TMA16: variants seen among roughly 807,000 people sequenced by gnomAD.
TMA16 encodes translation machinery-associated protein 16.
In TMA16, 26 loss-of-function variants were observed where a neutral mutation model predicts 27.1. The observed-to-expected ratio is 0.96, with a 90% CI of 0.70 to 1.33. The LOEUF (loss-of-function observed/expected upper bound fraction) is 1.33, where lower values mean the gene tolerates loss of function less well. Among genes scored for constraint, TMA16 ranks in the 40% most tolerant of loss-of-function variants. The probability of loss-of-function intolerance (pLI) is 0.00; values close to 1 mark genes in which losing one functional copy is unlikely to be tolerated. For missense variants in TMA16, 233 were observed against 241.4 expected (o/e 0.97, Z 0.23); for synonymous variants, 71 against 81.9 (o/e 0.87, Z 0.72).
chr4:163,513,107 C>T (rs1737821598), intron 3 of TMA16, among the ~76,000 whole-genome samples: 1 of 152,168 alleles, frequency 6.6e-6, no homozygotes, highest in Non-Finnish European at 1.5e-5. Flanking sequence ...ACATAACATT[C>T]ATATCCATCT....
chr4:163,520,078 T>A lies in TMA16; in HGVS notation c.*564T>A, dbSNP rs989927800. The A allele has an allele frequency of 7.1e-6, 4 of 566,346 alleles. No homozygotes were observed. The highest frequency in any genetic ancestry group is 9.5e-6 in the Non-Finnish European group (3 of 315,834). 35.1% of individuals were successfully genotyped at this position (566,346 alleles called of 1,614,324 possible). On this transcript the variant is annotated 3_prime_UTR_variant, in exon 7 of 7. Transcript: ENST00000358572. ...GAGCTAAATGGTAAAAGAAAAAAAA[T>A]CAGTGATGATTGTTATGTTGATCTC...
At chr4:163,495,705 C>A (rs1003666327) in intron 1 of TMA16, among the ~76,000 whole-genome samples, 1 of 152,128 alleles carries the variant, frequency 6.6e-6, no homozygotes, top group Non-Finnish European at 1.5e-5. Flanking sequence ...ATTGTGTCCA[C>A]AATGTGGCCT....
intron 2 of TMA16, among the ~76,000 whole-genome samples, chr4:163,509,228 C>T (rs12640678): frequency 0.41 from 62,471 of 151,946 alleles, 13,963 homozygotes; most frequent in Admixed American, 0.55. Context: ...TCACAAAAGG[C>T]ACGTTGAAAC....
In TMA16 at chr4:163,520,120, T is replaced by C; in HGVS notation, c.*606T>C. 2.1e-6 allele frequency: 1 copy of C among 478,544 alleles called. No individual in the cohort carries two copies. The highest frequency in any genetic ancestry group is 3.7e-6 in the Non-Finnish European group (1 of 270,352). The allele number at this position is 478,544 out of a possible 1,614,324, so 29.6% of individuals were successfully genotyped here. On this transcript the variant is annotated 3_prime_UTR_variant, in exon 7 of 7. Transcript: ENST00000358572. ...GTTGATCTCCCACAATTAATTTATCTTTTGACAAAGGGGATAAAGAGTTTC... is the reference window on the plus strand; with the variant it reads ...GTTGATCTCCCACAATTAATTTATCCTTTGACAAAGGGGATAAAGAGTTTC...
intron 2 of TMA16, among the ~76,000 whole-genome samples, chr4:163,508,839 T>G (rs911235257): frequency 1.4e-4 from 21 of 152,218 alleles, no homozygotes; most frequent in African/African-American, 4.6e-4. Context: ...ATGTTGTGTA[T>G]TGATTTACAG....
chr4:163,510,783 T>C (rs964358211), intron 2 of TMA16, among the ~76,000 whole-genome samples: 24 of 152,326 alleles, frequency 1.6e-4, no homozygotes, highest in African/African-American at 5.8e-4. Flanking sequence ...GTGTTTTCTA[T>C]AGCTGCATTC....
At chr4:163,514,501 C>T (rs1309745655) in intron 4 of TMA16, among the ~76,000 whole-genome samples, 1 of 152,078 alleles carries the variant, frequency 6.6e-6, no homozygotes. Flanking sequence ...ATGAAGATAA[C>T]GTATTTAGTG....
chr4:163,495,748 T>G (rs559383287), intron 1 of TMA16, among the ~76,000 whole-genome samples: 4 of 152,368 alleles, frequency 2.6e-5, no homozygotes, highest in African/African-American at 9.6e-5. Flanking sequence ...CTCTTTTCAT[T>G]GTATGCCATT....
intron 2 of TMA16, among the ~76,000 whole-genome samples, chr4:163,509,708 AT>A (rs1737765881): frequency 6.6e-6 from 1 of 152,202 alleles, no homozygotes; most frequent in Non-Finnish European, 1.5e-5. Flanking sequence ...AAAAGCTCTG[AT>A]TTAGGACTGT....
chr4:163,514,723 C>G (rs1737849961), intron 4 of TMA16, among the ~76,000 whole-genome samples: 1 of 152,150 alleles, frequency 6.6e-6, no homozygotes, highest in Non-Finnish European at 1.5e-5. Context: ...ATGAAGAAAA[C>G]AGACTGAGAG....
intron 1 of TMA16, among the ~76,000 whole-genome samples, chr4:163,504,901 T>C (rs1737699084): frequency 6.6e-6 from 1 of 152,154 alleles, no homozygotes; most frequent in Non-Finnish European, 1.5e-5. Flanking sequence ...ACTTCTTCAC[T>C]AGCTGTTGTC....
At position 163,497,425 on chromosome 4, in the gene TMA16, A is replaced by G. The variant is rs552988677; in HGVS notation, c.3+2621A>G. ...TAACTGCCATAGTAAAGTGATATGC[A>G]TTTAGTGGCTTAAAGCAACACATTC... is the stretch of plus-strand genomic sequence containing the variant. On this transcript the variant is annotated intron_variant, in intron 1 of 6. Coordinates refer to ENST00000358572, the MANE Select transcript of TMA16 (RefSeq NM_018352.3). 1.1e-4 allele frequency among the ~76,000 whole-genome samples: 16 copies of G among 152,350 alleles called. No homozygotes were observed. The South Asian group carries it at 2.3e-3, about 22-fold the overall frequency.
chr4:163,503,019 ATACT>A (rs1737670407), intron 1 of TMA16, among the ~76,000 whole-genome samples: 2 of 152,128 alleles, frequency 1.3e-5, no homozygotes, highest in African/African-American at 4.8e-5. Context: ...AGATACACAA[ATACT>A]TACCTTTGTG....
At chr4:163,501,234 A>G (rs1007677003) in intron 1 of TMA16, among the ~76,000 whole-genome samples, 3 of 152,142 alleles carry the variant, frequency 2.0e-5, no homozygotes, top group African/African-American at 7.2e-5. Context: ...TAGAAGTCTC[A>G]CTTAGTGACA....
chr4:163,498,286 ATTTTTTTT>A (rs10608478), intron 1 of TMA16, among the ~76,000 whole-genome samples: 1 of 125,694 alleles, frequency 8.0e-6, no homozygotes, highest in Non-Finnish European at 1.7e-5. Context: ...TGGTTAAAAG[ATTTTTTTT>A]TTTTTTTTTT....
At chr4:163,509,301 C>A (rs1737758825) in intron 2 of TMA16, among the ~76,000 whole-genome samples, 1 of 152,164 alleles carries the variant, frequency 6.6e-6, no homozygotes, top group Admixed American at 6.6e-5. Context: ...ATGGTTGGGA[C>A]AACTTTAAGC....
intron 1 of TMA16, among the ~76,000 whole-genome samples, chr4:163,497,225 T>C (rs1312419588): frequency 2.0e-5 from 3 of 152,230 alleles, no homozygotes; most frequent in Non-Finnish European, 4.4e-5. Context: ...ATCAGCTTAA[T>C]ACATCTCATA....
In TMA16 at chr4:163,517,616, A is replaced by G. The variant is rs1312440508; in HGVS notation, c.431+140A>G. On this transcript the variant is annotated intron_variant, in intron 6 of 6. Coordinates refer to ENST00000358572, the MANE Select transcript of TMA16 (RefSeq NM_018352.3). ...CCTTTTCTTTTTTATCTGACCAAGTAAGAATTTTCTGAAGTTGGGCGTACA... is the reference window on the plus strand; with the variant it reads ...CCTTTTCTTTTTTATCTGACCAAGTGAGAATTTTCTGAAGTTGGGCGTACA... The G allele has an allele frequency of 7.2e-6, 5 of 698,798 alleles. No homozygotes were observed. In the African/African-American group the frequency reaches 9.4e-5, roughly 13 times the overall value. The allele number at this position is 698,798 out of a possible 1,614,324, so 43.3% of individuals were successfully genotyped here.
rs755970115 is a variant in TMA16 at position 163,507,132 on chromosome 4, G to GA, written c.110dup (p.Glu38GlyfsTer6). The stretch of plus-strand genomic sequence containing the variant: ...AATTACGAGAGAGGCCCACAAACAA[G>GA]AAAAAAAGGAAAAGTAAGTATCTTT... On this transcript the variant is annotated frameshift_variant, in exon 2 of 7. Coordinates refer to ENST00000358572, the MANE Select transcript of TMA16 (RefSeq NM_018352.3). LOFTEE classifies it high-confidence loss of function. 1.9e-6 allele frequency: 3 copies of GA among 1,569,954 alleles called. No individual in the cohort carries two copies. Among genetic ancestry groups the GA allele is most frequent in the East Asian group, 2.3e-5 (1 of 43,354 alleles).
Sources: gnomAD v4.1 joint callset for allele counts (sites outside exome capture counted in the v4.1 genomes callset) on GRCh38, gnomAD v4.1.1 for gene constraint, MANE v1.5 for transcripts, NCBI Gene and HGNC (gene_info 2026-07-23, HGNC 2026-07-21) for gene names.